Variants in FBLN2 observed in about 807,000 individuals in gnomAD.
FBLN2 encodes the protein fibulin 2.
Under a neutral mutation model 123.7 loss-of-function variants are expected in FBLN2, and 81 were observed. The ratio of observed to expected loss-of-function variants is 0.65; its 90% CI spans 0.55 to 0.79. FBLN2 has a LOEUF of 0.79. Ranked by LOEUF, FBLN2 falls within the 30% of genes least tolerant of loss-of-function variation. The pLI is 0.00. For missense variants in FBLN2, 1,603 were observed against 1,681.3 expected (o/e 0.95, Z 0.81); for synonymous variants, 699 against 701.4 (o/e 1.00, Z 0.05).
At chr3:13,636,016 T>A (rs13077432) in intron 16 of FBLN2, among the ~76,000 whole-genome samples, 5 of 151,602 alleles carry the variant, frequency 3.3e-5, no homozygotes, top group East Asian at 2.0e-4. Flanking sequence ...ATGAGAAGCC[T>A]CCAGCAGTAG....
chr3:13,635,457 C>T (rs1575005027), intron 16 of FBLN2, among the ~76,000 whole-genome samples: 1 of 152,154 alleles, frequency 6.6e-6, no homozygotes, highest in Non-Finnish European at 1.5e-5. Context: ...GGTATCTATT[C>T]ATATGTCTGT....
At chr3:13,576,070 G>A (rs1403052166) in intron 2 of FBLN2, among the ~76,000 whole-genome samples, 1 of 152,242 alleles carries the variant, frequency 6.6e-6, no homozygotes, top group Non-Finnish European at 1.5e-5. Flanking sequence ...TGGCAGGGGT[G>A]GCAGCCGGTA....
At chr3:13,600,667 G>A (rs1705002849) in intron 2 of FBLN2, among the ~76,000 whole-genome samples, 1 of 149,780 alleles carries the variant, frequency 6.7e-6, no homozygotes, top group African/African-American at 2.5e-5. Flanking sequence ...CCAGGCTGGA[G>A]TGCAGTGGCG....
intron 1 of FBLN2, among the ~76,000 whole-genome samples, chr3:13,556,471 G>T (rs1559396858): frequency 6.6e-6 from 1 of 152,174 alleles, no homozygotes; most frequent in Non-Finnish European, 1.5e-5. Flanking sequence ...CCTAATGGGG[G>T]GCCCCACCCC....
chr3:13,618,986 G>A lies in FBLN2; in HGVS notation c.2022G>A (p.Pro674=), dbSNP rs545435806. The change falls in exon 7 of 18, where the codon CCG becomes CCA. Residue 674 remains proline, a synonymous_variant. Transcript: ENST00000404922. ...EFSQVASNTI[P]LPLPQPNTCK... Reference sequence around the variant, plus strand: ...CCCAGGTGGCCTCTAACACCATCCCGCTGCCACTGCCGCAGCCCAATACCT... The same window carrying A: ...CCCAGGTGGCCTCTAACACCATCCCACTGCCACTGCCGCAGCCCAATACCT... The A allele has an allele frequency of 1.5e-3, 2,443 of 1,612,360 alleles. 49 individuals are homozygous for A. In the South Asian group the frequency reaches 0.025, roughly 17 times the overall value.
intron 15 of FBLN2, 38 bp downstream of exon 15, chr3:13,630,853 T>A: frequency 6.8e-7 from 1 of 1,474,326 alleles, no homozygotes; most frequent in Non-Finnish European, 9.3e-7. Flanking sequence ...TTCCAGAGAG[T>A]CACTCCTTTC....
At chr3:13,557,252 G>A (rs1703487804) in intron 1 of FBLN2, among the ~76,000 whole-genome samples, 1 of 152,220 alleles carries the variant, frequency 6.6e-6, no homozygotes. Context: ...GAGGCAGCCT[G>A]CTGCCCTAGG....
chr3:13,551,764 T>C (rs1273192572), intron 1 of FBLN2, among the ~76,000 whole-genome samples: 1 of 151,826 alleles, frequency 6.6e-6, no homozygotes, highest in East Asian at 1.9e-4. Context: ...TTGACCTCCA[T>C]CTCTTGACCT....
intron 4 of FBLN2, among the ~76,000 whole-genome samples, chr3:13,610,676 G>T (rs977216041): frequency 6.6e-6 from 1 of 152,178 alleles, no homozygotes; most frequent in Non-Finnish European, 1.5e-5. Context: ...GGCGGACAGG[G>T]TGTCAGTTTG....
chr3:13,612,880 A>C (rs115964806), intron 4 of FBLN2, among the ~76,000 whole-genome samples: 5,763 of 152,264 alleles, frequency 0.038, 331 homozygotes, highest in African/African-American at 0.13. Flanking sequence ...CATACCATCC[A>C]AAACCTAGTG....
rs187117840 is a variant in FBLN2 at position 13,615,703 on chromosome 3, C to T, written c.1729+1539C>T. On this transcript the variant is annotated intron_variant, in intron 5 of 17. Transcript: ENST00000404922. ...CCACCACTGTTGCTGTTACCGTTGC[C>T]GTGCTTCAGCAGCTCAGAGGGGGAA... is the stretch of plus-strand genomic sequence containing the variant. Among the ~76,000 whole-genome samples the T allele has an allele frequency of 2.7e-3, 406 of 152,318 alleles. 2 individuals are homozygous for T. The highest frequency in any genetic ancestry group is 4.2e-3 in the Non-Finnish European group (289 of 68,034).
At chr3:13,600,184 CG>C (rs1005456916) in intron 2 of FBLN2, among the ~76,000 whole-genome samples, 2 of 151,662 alleles carry the variant, frequency 1.3e-5, no homozygotes, top group Non-Finnish European at 2.9e-5. Flanking sequence ...GGGTGGAGGG[CG>C]GGGGCCTCTG....
At position 13,636,577 on chromosome 3, in the gene FBLN2, C is replaced by T. The variant is rs775866136; in HGVS notation, c.3338+9C>T. On this transcript the variant is annotated intron_variant, in intron 17 of 17. Coordinates refer to ENST00000404922, the MANE Select transcript of FBLN2 (RefSeq NM_001004019.2). ...GTCCAAGTCTCCAAAACGTGAGTGT[C>T]CCCACCCCAGTCCCAGTCCCAGGGA... The T allele has an allele frequency of 1.4e-5, 23 of 1,612,272 alleles. No individual in the cohort carries two copies. In the East Asian group the frequency reaches 5.1e-4, roughly 36 times the overall value.
chr3:13,606,443 C>A (rs566023038), intron 2 of FBLN2, among the ~76,000 whole-genome samples: 1 of 152,274 alleles, frequency 6.6e-6, no homozygotes, highest in East Asian at 1.9e-4. Flanking sequence ...TCTCCCCTAC[C>A]TTTGACTCCT....
At chr3:13,554,699 C>T (rs1191466597) in intron 1 of FBLN2, among the ~76,000 whole-genome samples, 1 of 152,146 alleles carries the variant, frequency 6.6e-6, no homozygotes, top group African/African-American at 2.4e-5. Context: ...CGTTTTGGCC[C>T]ATGGGCATCC....
At chr3:13,606,014 C>A (rs1315592503) in intron 2 of FBLN2, among the ~76,000 whole-genome samples, 1 of 152,106 alleles carries the variant, frequency 6.6e-6, no homozygotes, top group African/African-American at 2.4e-5. Context: ...CCTCCAACCC[C>A]CCTCCCCATC....
At chr3:13,621,691 CT>C (rs1015172342) in intron 8 of FBLN2, 83 bp from the exon 9 acceptor site, 43 of 1,491,366 alleles carry the variant, frequency 2.9e-5, no homozygotes, top group Non-Finnish European at 3.5e-5. Context: ...CTTGCTGGGT[CT>C]CATTCTCCTG....
chr3:13,552,716 G>C lies in FBLN2; in HGVS notation c.-42+3508G>C, dbSNP rs947502542. 4.6e-5 allele frequency among the ~76,000 whole-genome samples: 7 copies of C among 152,102 alleles called. No homozygotes were observed. The East Asian group carries it at 1.4e-3, about 29-fold the overall frequency. ...TCGGGAGGGCTGGGAGCTGTGACTGGGTGTTGTGTGGGGGCGGCCAGGGAG... is the reference window on the plus strand; with the variant it reads ...TCGGGAGGGCTGGGAGCTGTGACTGCGTGTTGTGTGGGGGCGGCCAGGGAG... On this transcript the variant is annotated intron_variant, in intron 1 of 17. Transcript: ENST00000404922.
chr3:13,577,358 T>C (rs1250605277), intron 2 of FBLN2, among the ~76,000 whole-genome samples: 2 of 148,142 alleles, frequency 1.4e-5, no homozygotes, highest in Non-Finnish European at 3.0e-5. Flanking sequence ...GAGCGGCGAG[T>C]GCAAAGGCCC....
Sources: allele counts gnomAD v4.1 joint callset (sites outside exome capture counted in the v4.1 genomes callset), GRCh38; gene constraint gnomAD v4.1.1; transcripts MANE v1.5; gene names NCBI Gene and HGNC (gene_info 2026-07-23, HGNC 2026-07-21).